Variants in FSTL4 observed in about 807,000 individuals in gnomAD.
FSTL4 encodes follistatin like 4, also known as follistatin-related protein 4.
A neutral mutation model predicts 78.2 loss-of-function variants in FSTL4; 28 were observed. The ratio of observed to expected loss-of-function variants is 0.36; its 90% CI spans 0.27 to 0.49. The LOEUF is 0.49. FSTL4 is among the 20% of genes least tolerant of loss of function. The pLI is 0.98. For synonymous variants in FSTL4, 422 were observed against 440.5 expected, an observed-to-expected ratio of 0.96 and a Z score of 0.53; for missense variants, 922 against 1,084.9, an observed-to-expected ratio of 0.85 and a Z score of 2.11.
intron 3 of FSTL4, among the ~76,000 whole-genome samples, chr5:133,437,438 G>T (rs1757057493): frequency 1.3e-5 from 2 of 149,800 alleles, no homozygotes; most frequent in South Asian, 4.2e-4. Flanking sequence ...AGAATATTTA[G>T]TAGCCAACAT....
chr5:133,427,595 T>C (rs750429817), intron 3 of FSTL4: 1 of 508,748 alleles, frequency 2.0e-6, no homozygotes, highest in East Asian at 5.6e-5. Context: ...AGGGCGGGAA[T>C]GGCGGGGGCG....
At chr5:133,788,535 G>A in the FSTL4 span, among the ~76,000 whole-genome samples, 4 of 152,182 alleles carry the variant, frequency 2.6e-5, no homozygotes, top group East Asian at 1.9e-4. Flanking sequence ...CCCCCTCCAC[G>A]AGCCCAGCCA....
At chr5:133,636,706 T>C in the FSTL4 span, among the ~76,000 whole-genome samples, 2 of 152,190 alleles carry the variant, frequency 1.3e-5, no homozygotes, top group African/African-American at 4.8e-5. Flanking sequence ...CTGTTATGAT[T>C]ATTATTGTTG....
rs1554069417 is a variant in FSTL4 at position 133,537,797 on chromosome 5, T to TATAC, written c.160+29388_160+29389insGTAT. 5.4e-4 allele frequency among the ~76,000 whole-genome samples: 80 copies of TATAC among 148,548 alleles called. 1 individual carries two copies. The highest frequency in any genetic ancestry group is 1.9e-3 in the African/African-American group (77 of 40,014). ...TTTCTCTCTCACATATATATATATA[T>TATAC]ACACACACACACACACACACAGAGA... is the stretch of plus-strand genomic sequence containing the variant. On this transcript the variant is annotated intron_variant, in intron 3 of 15. Transcript: ENST00000265342.
chr5:133,627,010 T>C, the FSTL4 span, among the ~76,000 whole-genome samples: 1 of 152,188 alleles, frequency 6.6e-6, no homozygotes, highest in East Asian at 1.9e-4. Flanking sequence ...TAACTGAATG[T>C]GTCTGTCCCT....
At chr5:133,217,590 C>G (rs570007182) in intron 12 of FSTL4, among the ~76,000 whole-genome samples, 2 of 152,198 alleles carry the variant, frequency 1.3e-5, no homozygotes, top group African/African-American at 4.8e-5. Flanking sequence ...CCTTTGCACC[C>G]GCTCAGTTAG....
chr5:133,354,325 T>C (rs1754896750), intron 4 of FSTL4, among the ~76,000 whole-genome samples: 1 of 152,168 alleles, frequency 6.6e-6, no homozygotes, highest in African/African-American at 2.4e-5. Context: ...GCACAATCCC[T>C]ATTGCTGAAA....
In FSTL4 at chr5:133,603,962, G is replaced by C; in HGVS notation, c.22C>G (p.Leu8Val). Residue 8 changes from leucine to valine, a missense_variant, in exon 2 of 16, where the codon CTG becomes GTG. Transcript: ENST00000265342. ...GAGGCTCCGAGCAGTGTGAGATGCAGCCAAAAGCCTCCTGGTTTCATTTTG... is the reference window on the plus strand; with the variant it reads ...GAGGCTCCGAGCAGTGTGAGATGCACCCAAAAGCCTCCTGGTTTCATTTTG... MKPGGFW[L>V]HLTLLGASLP... The C allele has an allele frequency of 6.2e-7, 1 of 1,612,904 alleles. No homozygotes were observed. The highest frequency in any genetic ancestry group is 1.1e-5 in the South Asian group (1 of 91,048).
chr5:133,210,866 GC>G (rs1316411913), intron 13 of FSTL4: 1 of 152,164 alleles, frequency 6.6e-6, no homozygotes, highest in Non-Finnish European at 1.5e-5. Context: ...GACCAACATG[GC>G]AAAAGTCTGA....
chr5:133,431,690 C>T (rs1756942237), intron 3 of FSTL4, among the ~76,000 whole-genome samples: 1 of 152,184 alleles, frequency 6.6e-6, no homozygotes, highest in Non-Finnish European at 1.5e-5. Context: ...TGAGCCCTGT[C>T]TTAATTCCTT....
the FSTL4 span, among the ~76,000 whole-genome samples, chr5:133,666,817 C>T: frequency 6.6e-6 from 1 of 152,144 alleles, no homozygotes; most frequent in Non-Finnish European, 1.5e-5. Context: ...AGGTTGTTCC[C>T]ATGTTGAAAA....
chr5:133,469,354 G>A (rs1362736537), intron 3 of FSTL4, among the ~76,000 whole-genome samples: 1 of 152,198 alleles, frequency 6.6e-6, no homozygotes, highest in East Asian at 1.9e-4. Flanking sequence ...AAGGAGAAGA[G>A]AACAGTCCAA....
intron 14 of FSTL4, among the ~76,000 whole-genome samples, chr5:133,206,151 A>G (rs1213140850): frequency 6.6e-6 from 1 of 150,854 alleles, no homozygotes; most frequent in Non-Finnish European, 1.5e-5. Flanking sequence ...GGGATAGTTC[A>G]AGTAAAATTA....
At chr5:133,251,570 CCT>C (rs1276696706) in intron 6 of FSTL4, among the ~76,000 whole-genome samples, 1 of 152,130 alleles carries the variant, frequency 6.6e-6, no homozygotes, top group East Asian at 1.9e-4. Context: ...TTGACCATCT[CCT>C]GTCTTACCCC....
chr5:133,751,366 AC>A, the FSTL4 span, among the ~76,000 whole-genome samples: 2 of 152,158 alleles, frequency 1.3e-5, no homozygotes, highest in Admixed American at 1.3e-4. Flanking sequence ...GTATTTCAGC[AC>A]CATTTGTCAT....
intron 1 of FSTL4, among the ~76,000 whole-genome samples, chr5:133,605,494 T>G (rs976263818): frequency 6.6e-6 from 1 of 152,196 alleles, no homozygotes; most frequent in Non-Finnish European, 1.5e-5. Context: ...TGTCACATAG[T>G]CACTAGTGCT....
chr5:133,673,692 G>C, the FSTL4 span, among the ~76,000 whole-genome samples: 2 of 152,100 alleles, frequency 1.3e-5, no homozygotes, highest in Non-Finnish European at 2.9e-5. Context: ...CTTATCTAGA[G>C]CCTATTATAT....
intron 4 of FSTL4, among the ~76,000 whole-genome samples, chr5:133,398,839 C>T (rs543962960): frequency 6.6e-6 from 1 of 152,202 alleles, no homozygotes; most frequent in South Asian, 2.1e-4. Flanking sequence ...CCACTCTCCA[C>T]CAAAAAGGGG....
chr5:133,202,908 C>A (rs1750376642), intron 14 of FSTL4, among the ~76,000 whole-genome samples: 2 of 152,210 alleles, frequency 1.3e-5, no homozygotes, highest in South Asian at 2.1e-4. Flanking sequence ...AGGGAAGGCA[C>A]AATGGCAGCT....
Sources: allele counts gnomAD v4.1 joint callset (sites outside exome capture counted in the v4.1 genomes callset), GRCh38; gene constraint gnomAD v4.1.1; transcripts MANE v1.5; gene names NCBI Gene and HGNC (gene_info 2026-07-23, HGNC 2026-07-21).